The following CDYL variants were observed in gnomAD, a reference collection of about 807,000 sequenced individuals.
CDYL encodes the protein chromodomain Y-like protein.
In CDYL, 8 loss-of-function variants were observed where a neutral mutation model predicts 47.3. The observed-to-expected ratio is 0.17, with a 90% CI of 0.10 to 0.31. CDYL has a LOEUF of 0.31. Ranked by LOEUF, CDYL falls within the 10% of genes least tolerant of loss-of-function variation. The probability of loss-of-function intolerance (pLI) is 1.00; values close to 1 mark genes in which losing one functional copy is unlikely to be tolerated. For missense variants in CDYL, 471 were observed against 701.4 expected, an observed-to-expected ratio of 0.67 and a Z score of 3.71; for synonymous variants, 266 against 265.0, an observed-to-expected ratio of 1.00 and a Z score of -0.04.
At chr6:4,942,348 G>C (rs17356900) in intron 4 of CDYL, among the ~76,000 whole-genome samples, 2 of 152,050 alleles carry the variant, frequency 1.3e-5, no homozygotes, top group African/African-American at 2.4e-5. Flanking sequence ...TGAGTCATCC[G>C]TCAGTGTCTC....
intron 1 of CDYL, among the ~76,000 whole-genome samples, chr6:4,780,395 T>TCCCCCCCCC (rs1758581288): frequency 8.5e-5 from 1 of 11,728 alleles, no homozygotes; most frequent in Admixed American, 9.5e-4. Flanking sequence ...CACCCCCGCC[T>TCCCCCCCCC]ACGCCCCCCC....
chr6:4,753,302 A>G (rs1758026496), intron 3 of CDYL, among the ~76,000 whole-genome samples: 2 of 152,132 alleles, frequency 1.3e-5, no homozygotes, highest in African/African-American at 4.8e-5. Context: ...GCTCCCTTAG[A>G]GGTGCTCACC....
intron 1 of CDYL, among the ~76,000 whole-genome samples, chr6:4,834,404 C>T (rs1255827121): frequency 6.7e-6 from 1 of 149,310 alleles, no homozygotes; most frequent in East Asian, 2.0e-4. Context: ...TATTGGCCCC[C>T]ACTCTCTTCT....
chr6:4,818,298 C>A (rs1759730082), intron 1 of CDYL, among the ~76,000 whole-genome samples: 1 of 151,762 alleles, frequency 6.6e-6, no homozygotes, highest in Admixed American at 6.6e-5. Context: ...TGGAAAACAC[C>A]AAGAAAAGGA....
chr6:4,793,493 G>T (rs995076016), intron 1 of CDYL, among the ~76,000 whole-genome samples: 2 of 152,164 alleles, frequency 1.3e-5, no homozygotes, highest in East Asian at 3.8e-4. Context: ...GAGGTTGGGG[G>T]TACTTGTAGG....
intron 2 of CDYL, among the ~76,000 whole-genome samples, chr6:4,920,867 C>G (rs180715257): frequency 6.6e-6 from 1 of 152,186 alleles, no homozygotes; most frequent in Admixed American, 6.5e-5. Context: ...CCACCCATCT[C>G]GGCCTCCTAA....
intron 3 of CDYL, among the ~76,000 whole-genome samples, chr6:4,735,498 T>G (rs1757686807): frequency 6.6e-6 from 1 of 152,080 alleles, no homozygotes; most frequent in South Asian, 2.1e-4. Flanking sequence ...GCTCAGTGGC[T>G]CATGGCTGTA....
intron 5 of CDYL, among the ~76,000 whole-genome samples, chr6:4,950,540 A>C (rs979978231): frequency 1.3e-5 from 2 of 152,134 alleles, no homozygotes; most frequent in African/African-American, 4.8e-5. Flanking sequence ...AGAACCACTC[A>C]CAGTAAGGTC....
At chr6:4,802,871 C>G (rs1309369787) in intron 1 of CDYL, among the ~76,000 whole-genome samples, 4 of 152,106 alleles carry the variant, frequency 2.6e-5, no homozygotes, top group Non-Finnish European at 5.9e-5. Context: ...ACAGGATTCT[C>G]TTTTCCGGCA....
intron 1 of CDYL, among the ~76,000 whole-genome samples, chr6:4,822,685 A>G (rs886985284): frequency 6.6e-6 from 1 of 152,144 alleles, no homozygotes; most frequent in East Asian, 1.9e-4. Flanking sequence ...TTTGCCACAC[A>G]TTGCTGCCAT....
intron 1 of CDYL, among the ~76,000 whole-genome samples, chr6:4,805,518 T>C (rs774639902): frequency 1.3e-5 from 2 of 152,162 alleles, no homozygotes. Flanking sequence ...GATTTGTTTA[T>C]GCAATGATGG....
chr6:4,938,896 A>G (rs1211969388), intron 4 of CDYL, among the ~76,000 whole-genome samples: 3 of 152,210 alleles, frequency 2.0e-5, no homozygotes, highest in Non-Finnish European at 4.4e-5. Context: ...CTCATTTATC[A>G]TGCTAATCAC....
At chr6:4,809,721 T>A (rs1038265145) in intron 1 of CDYL, among the ~76,000 whole-genome samples, 1 of 137,896 alleles carries the variant, frequency 7.3e-6, no homozygotes, top group East Asian at 2.1e-4. Flanking sequence ...CGATACTTTG[T>A]ATGGTAGGGG....
chr6:4,795,671 C>G (rs1290257629), intron 1 of CDYL, among the ~76,000 whole-genome samples: 2 of 149,190 alleles, frequency 1.3e-5, no homozygotes, highest in Non-Finnish European at 3.0e-5. Context: ...ATGCCTCATT[C>G]TTTTTGTACC....
rs1176819548 is a variant in CDYL, at chr6:4,821,260, C to CTTTTTTTT, written c.24+44475_24+44482dup. Among the ~76,000 whole-genome samples, 199 of 60,390 alleles carry CTTTTTTTT rather than the reference C, an allele frequency of 3.3e-3. 20 individuals carry two copies. The highest frequency in any genetic ancestry group is 0.012 in the East Asian group (22 of 1,768). 39.6% of individuals were successfully genotyped at this position (60,390 alleles called of 152,430 possible). On this transcript the variant is annotated intron_variant, in intron 1 of 6. Transcript: ENST00000397588. The stretch of plus-strand genomic sequence containing the variant: ...TGATTATCATGGTCATATGGGAATT[C>CTTTTTTTT]TTTTTTTTTTTTTTTTTTTTTTTTT...
intron 1 of CDYL, among the ~76,000 whole-genome samples, chr6:4,784,212 G>A (rs1758694411): frequency 6.6e-6 from 1 of 152,048 alleles, no homozygotes; most frequent in Admixed American, 6.6e-5. Context: ...TCTGCAATTC[G>A]TTTTTTAAGT....
intron 3 of CDYL, among the ~76,000 whole-genome samples, chr6:4,736,711 C>G (rs1275643362): frequency 6.6e-6 from 1 of 151,010 alleles, no homozygotes; most frequent in Non-Finnish European, 1.5e-5. Context: ...TTTTTTTTCC[C>G]TCATAACCCA....
intron 3 of CDYL, among the ~76,000 whole-genome samples, chr6:4,755,227 A>ATT (rs34342399): frequency 2.7e-4 from 39 of 142,160 alleles, no homozygotes; most frequent in African/African-American, 7.8e-4. Context: ...TGCCCACCTA[A>ATT]TTTTTTTTTT....
At chr6:4,887,741 G>T (rs1761935805) in intron 1 of CDYL, among the ~76,000 whole-genome samples, 1 of 152,078 alleles carries the variant, frequency 6.6e-6, no homozygotes, top group South Asian at 2.1e-4. Context: ...AATAGAAGTG[G>T]CAAGAACAAA....
Sources: gnomAD v4.1 joint callset for allele counts (sites outside exome capture counted in the v4.1 genomes callset) on GRCh38, gnomAD v4.1.1 for gene constraint, MANE v1.5 for transcripts, NCBI Gene and HGNC (gene_info 2026-07-23, HGNC 2026-07-21) for gene names.